The following CRISPLD2 variants were observed in gnomAD, a reference collection of about 807,000 sequenced individuals.
CRISPLD2 encodes the protein cysteine-rich secretory protein LCCL domain-containing 2.
A neutral mutation model predicts 71.1 loss-of-function variants in CRISPLD2; 47 were observed. The ratio of observed to expected loss-of-function variants is 0.66; its 90% CI spans 0.52 to 0.84. The LOEUF (loss-of-function observed/expected upper bound fraction) is 0.84. CRISPLD2 is among the 40% of genes least tolerant of loss of function. The probability of loss-of-function intolerance (pLI) is 0.00; values close to 1 mark genes in which losing one functional copy is unlikely to be tolerated. For synonymous variants in CRISPLD2, 317 were observed against 250.1 expected (o/e 1.27, Z -2.52); for missense variants, 830 against 651.1 (o/e 1.27, Z -2.99).
At chr16:84,880,041 G>A (rs569329249) in intron 12 of CRISPLD2, among the ~76,000 whole-genome samples, 2 of 152,220 alleles carry the variant, frequency 1.3e-5, no homozygotes, top group East Asian at 1.9e-4. Flanking sequence ...CAGGTTATCA[G>A]TGCCCCCGCC....
intron 1 of CRISPLD2, among the ~76,000 whole-genome samples, chr16:84,824,513 C>CT (rs1916303867): frequency 6.6e-6 from 1 of 152,132 alleles, no homozygotes; most frequent in Admixed American, 6.5e-5. Flanking sequence ...ATTCTCTGTT[C>CT]TTCCGGTCCT....
At chr16:84,823,781 G>A (rs940706111) in intron 1 of CRISPLD2, among the ~76,000 whole-genome samples, 8 of 152,078 alleles carry the variant, frequency 5.3e-5, no homozygotes, top group East Asian at 3.8e-4. Context: ...GAAAAAAAAC[G>A]TCCTGATGAG....
chr16:84,824,984 G>A (rs192524107), intron 1 of CRISPLD2, among the ~76,000 whole-genome samples: 9 of 151,902 alleles, frequency 5.9e-5, no homozygotes, highest in Admixed American at 4.6e-4. Flanking sequence ...GGCACCTGTA[G>A]TCCCAGCTAC....
rs35711987 is a variant in CRISPLD2, at chr16:84,880,580, C to G, written c.1301C>G (p.Ala434Gly). Residue 434 changes from alanine to glycine, a missense_variant, in exon 13 of 15, where the codon GCA becomes GGA. Ala to Gly is a moderately conservative substitution (Grantham distance 60). Transcript: ENST00000262424. ...WAPVFGTNIY[A>G]DTSSICKTAV... ...CCGGTGTTTGGAACCAACATCTATG[C>G]AGATGTGAGTAGGATGCATTTTCAA... 1,201 of 1,612,224 alleles carry G rather than the reference C, an allele frequency of 7.4e-4. 3 individuals are homozygous for G. In the African/African-American group the frequency reaches 0.014, roughly 19 times the overall value.
chr16:84,842,851 C>G (rs893570727), intron 2 of CRISPLD2, among the ~76,000 whole-genome samples: 1 of 152,132 alleles, frequency 6.6e-6, no homozygotes, highest in African/African-American at 2.4e-5. Context: ...GGAGGCCCCA[C>G]GTCTCTCTGG....
chr16:84,826,766 G>A (rs1464485145), intron 1 of CRISPLD2, among the ~76,000 whole-genome samples: 1 of 152,182 alleles, frequency 6.6e-6, no homozygotes, highest in Non-Finnish European at 1.5e-5. Context: ...GTCCAAGGGG[G>A]AGGCCCCACC....
At chr16:84,877,339 C>T in intron 11 of CRISPLD2, 99 bp from the exon 12 acceptor site, 2 of 1,060,316 alleles carry the variant, frequency 1.9e-6, no homozygotes, top group Middle Eastern at 2.4e-4. Flanking sequence ...CCCAGGGAAC[C>T]CATAGGCCCT....
intron 14 of CRISPLD2, among the ~76,000 whole-genome samples, chr16:84,891,609 G>T (rs964173860): frequency 2.5e-4 from 38 of 151,466 alleles, no homozygotes; most frequent in African/African-American, 9.3e-4. Context: ...AATTTATTGA[G>T]CTCTTTGTAC....
chr16:84,883,540 C>T (rs1185748508), intron 13 of CRISPLD2, among the ~76,000 whole-genome samples: 2 of 152,196 alleles, frequency 1.3e-5, no homozygotes, highest in South Asian at 2.1e-4. Context: ...CACACTTGTG[C>T]ACATATCAGA....
intron 1 of CRISPLD2, among the ~76,000 whole-genome samples, chr16:84,833,015 GAAAGTCCTCCA>G (rs1266892597): frequency 6.6e-6 from 1 of 152,210 alleles, no homozygotes; most frequent in Non-Finnish European, 1.5e-5. Flanking sequence ...AAGCTGTGTT[GAAAGTCCTCCA>G]AACTTTTGGC....
In CRISPLD2 at chr16:84,838,711, T is replaced by A. The variant is rs755342914; in HGVS notation, c.216T>A (p.Pro72=). Residue 72 remains proline, a synonymous_variant, in exon 2 of 15, where the codon CCT becomes CCA. Transcript: ENST00000262424. ...ACAAGCTTCGGGGCCAGGTGCAGCC[T>A]CAGGCCTCCAACATGGAGTACATGG... ...LHNKLRGQVQ[P]QASNMEYMTW... is the part of the protein sequence containing the mutation. The A allele has an allele frequency of 1.2e-6, 2 of 1,613,846 alleles. No individual in the cohort carries two copies. The highest frequency in any genetic ancestry group is 1.7e-6 in the Non-Finnish European group (2 of 1,180,004).
At chr16:84,847,165 C>T (rs1003813606) in intron 3 of CRISPLD2, among the ~76,000 whole-genome samples, 5 of 152,158 alleles carry the variant, frequency 3.3e-5, no homozygotes, top group South Asian at 2.1e-4. Context: ...TGTAGGTGAG[C>T]GTTTGCTTTC....
At position 84,906,855 on chromosome 16, in the gene CRISPLD2, C is replaced by G; in HGVS notation, c.*213C>G. 1 of 647,008 alleles carries G rather than the reference C, an allele frequency of 1.5e-6. No homozygotes were observed. Among genetic ancestry groups the G allele is most frequent in the Non-Finnish European group, 2.8e-6 (1 of 360,942 alleles). The allele number at this position is 647,008 out of a possible 1,614,324, so 40.1% of individuals were successfully genotyped here. A position where few individuals can be genotyped will look rare whatever the true frequency, so the allele number is the denominator to read the frequency against. On this transcript the variant is annotated 3_prime_UTR_variant, in exon 15 of 15. Coordinates refer to ENST00000262424, the MANE Select transcript of CRISPLD2 (RefSeq NM_031476.4). ...AGGTGCTCAGCCGGACTCCCTGGTG[C>G]CTGATCCTGCTGGGGCCTGGGGGTC...
chr16:84,880,541 C>A lies in CRISPLD2; in HGVS notation c.1262C>A (p.Pro421His). 6.2e-7 allele frequency: 1 copy of A among 1,613,808 alleles called. No individual in the cohort carries two copies. The highest frequency in any genetic ancestry group is 8.5e-7 in the Non-Finnish European group (1 of 1,179,818). ...IHCPAHCKDE[P>H]SYWAPVFGTN... is the part of the protein sequence containing the mutation. ...TGTCCGGCACACTGCAAAGACGAAC[C>A]TTCCTACTGGGCTCCGGTGTTTGGA... is the stretch of plus-strand genomic sequence containing the variant. Residue 421 changes from proline (P) to histidine (H), a missense_variant, in exon 13 of 15, where the codon CCT becomes CAT. Coordinates refer to ENST00000262424, the MANE Select transcript of CRISPLD2 (RefSeq NM_031476.4).
At chr16:84,857,323 A>G (rs536196102) in intron 6 of CRISPLD2, among the ~76,000 whole-genome samples, 2 of 152,194 alleles carry the variant, frequency 1.3e-5, no homozygotes, top group Non-Finnish European at 2.9e-5. Context: ...TGACTAATAA[A>G]TCCTCCTCTG....
rs184877327 is a variant in CRISPLD2, at chr16:84,872,508, C to T, written c.981C>T (p.Ser327=). 1.7e-4 allele frequency: 279 copies of T among 1,613,038 alleles called. 1 individual carries two copies. The East Asian group carries it at 5.5e-3, about 32-fold the overall frequency. Reference sequence around the variant, plus strand: ...TCTTTGGAACTCTGTTCTATGAAAGCGTGAGTGTGGCCAGTCCTCCTCTCA... The same window carrying T: ...TCTTTGGAACTCTGTTCTATGAAAGTGTGAGTGTGGCCAGTCCTCCTCTCA... ...AKIFGTLFYE[S]SSSICRAAIH... is the part of the protein sequence containing the mutation. Residue 327 remains serine (S), a splice_region_variant and synonymous_variant, in exon 9 of 15, where the codon AGC becomes AGT. Coordinates refer to ENST00000262424, the MANE Select transcript of CRISPLD2 (RefSeq NM_031476.4).
intron 6 of CRISPLD2, among the ~76,000 whole-genome samples, chr16:84,862,388 C>T (rs1369962635): frequency 1.3e-5 from 2 of 151,988 alleles, no homozygotes; most frequent in South Asian, 2.1e-4. Context: ...TTTGTAGAGA[C>T]GGGATCTCAC....
intron 1 of CRISPLD2, among the ~76,000 whole-genome samples, chr16:84,834,635 G>A (rs918179448): frequency 4.6e-5 from 7 of 152,234 alleles, no homozygotes; most frequent in Admixed American, 3.3e-4. Context: ...GTTATCTGAT[G>A]TGTGTTGGTC....
At chr16:84,868,987 G>A (rs946842707) in intron 8 of CRISPLD2, 76 bp downstream of exon 8, 2 of 1,292,382 alleles carry the variant, frequency 1.5e-6, no homozygotes, top group Admixed American at 4.6e-5. Context: ...GTGGCCTCTG[G>A]GCCTATGCTG....
Sources: gnomAD v4.1 joint callset for allele counts (sites outside exome capture counted in the v4.1 genomes callset) on GRCh38, gnomAD v4.1.1 for gene constraint, MANE v1.5 for transcripts, NCBI Gene and HGNC (gene_info 2026-07-23, HGNC 2026-07-21) for gene names.